Variants in MOSPD1 observed in about 807,000 individuals in gnomAD.
MOSPD1 encodes motile sperm domain containing 1.
A neutral mutation model predicts 16.7 loss-of-function variants in MOSPD1; 5 were observed. The ratio of observed to expected loss-of-function variants is 0.30; its 90% CI spans 0.16 to 0.63. The LOEUF (loss-of-function observed/expected upper bound fraction) is 0.63, where lower values mean the gene tolerates loss of function less well. Among genes scored for constraint, MOSPD1 ranks in the 30% least tolerant of loss-of-function variants. MOSPD1 has a pLI of 0.82. For synonymous variants in MOSPD1, 67 were observed against 59.2 expected (o/e 1.13, Z -0.61); for missense variants, 104 against 153.6 (o/e 0.68, Z 1.71).
rs192172551 is a variant in MOSPD1, at chrX:134,898,475, T to A, written c.230+615A>T. Among the ~76,000 whole-genome samples the A allele has an allele frequency of 4.7e-4, 53 of 111,963 alleles. 1 individual carries two copies. In the East Asian group the frequency reaches 0.014, roughly 30 times the overall value. The stretch of plus-strand genomic sequence containing the variant: ...AATACAGTGTACTTGGTAGCTTAAA[T>A]TAAGGGCTGGTCAATGGATCCATCT... On this transcript the variant is annotated intron_variant, in intron 3 of 5. Coordinates refer to ENST00000370783, the MANE Select transcript of MOSPD1 (RefSeq NM_019556.3).
Position 134,888,981 on chromosome X carries a change from A to C in MOSPD1, c.*180T>G, listed in dbSNP as rs1235469811. On this transcript the variant is annotated 3_prime_UTR_variant, in exon 6 of 6. Coordinates refer to ENST00000370783, the MANE Select transcript of MOSPD1 (RefSeq NM_019556.3). The stretch of plus-strand genomic sequence containing the variant: ...CTCAGAAGCATCCTTGCTGTCTGTA[A>C]AATAATGTTCTGCAGTCCTTCAAAT... The C allele has an allele frequency of 3.8e-6, 1 of 264,541 alleles. No homozygotes were observed. Among genetic ancestry groups the C allele is most frequent in the Non-Finnish European group, 6.7e-6 (1 of 148,166 alleles). 21.8% of individuals were successfully genotyped at this position (264,541 alleles called of 1,213,427 possible). A position where few individuals can be genotyped will look rare whatever the true frequency, so the allele number is the denominator to read the frequency against.
intron 5 of MOSPD1, among the ~76,000 whole-genome samples, chrX:134,889,499 G>T (rs2082850835): frequency 8.9e-6 from 1 of 112,049 alleles, no homozygotes; most frequent in Non-Finnish European, 1.9e-5. Context: ...GTGCCATTTT[G>T]AAGCATGGGT....
At position 134,887,700 on chromosome X, in the gene MOSPD1, CAT is replaced by C. The variant is rs1215758240; in HGVS notation, c.*1459_*1460del. ...TTTACAATGTGTTATTACACACACA[CAT>C]GTGCACTTGCACACACGTGCACACA... On this transcript the variant is annotated 3_prime_UTR_variant, in exon 6 of 6. Transcript: ENST00000370783. 5 of 113,498 alleles carry C rather than the reference CAT, an allele frequency of 4.4e-5. No homozygotes were observed. The highest frequency in any genetic ancestry group is 1.3e-4 in the African/African-American group (4 of 31,197). The allele number at this position is 113,498 out of a possible 1,213,427, so 9.4% of individuals were successfully genotyped here.
intron 4 of MOSPD1, among the ~76,000 whole-genome samples, chrX:134,896,611 G>A (rs956933510): frequency 8.9e-5 from 10 of 111,759 alleles, no homozygotes; most frequent in Non-Finnish European, 1.9e-4. Context: ...GCCTGGTCCA[G>A]TGAGGGGTAT....
chrX:134,905,203 C>CAA (rs374729743), intron 1 of MOSPD1, among the ~76,000 whole-genome samples: 11 of 99,463 alleles, frequency 1.1e-4, no homozygotes, highest in African/African-American at 4.0e-4. Flanking sequence ...ACTAAAAATA[C>CAA]AAAAAAAAAA....
At chrX:134,902,863 A>C (rs912269888) in intron 1 of MOSPD1, among the ~76,000 whole-genome samples, 4 of 108,117 alleles carry the variant, frequency 3.7e-5, no homozygotes, top group South Asian at 3.9e-4. Context: ...AAAAAAAAAA[A>C]CCAAAAAAAA....
intron 1 of MOSPD1, among the ~76,000 whole-genome samples, chrX:134,908,966 T>C (rs1403172343): frequency 8.9e-6 from 1 of 112,011 alleles, no homozygotes; most frequent in Non-Finnish European, 1.9e-5. Flanking sequence ...GCAACCTGTT[T>C]TTAGAAAGAG....
Position 134,899,338 on chromosome X carries a change from T to G in MOSPD1, c.96A>C (p.Ser32=), listed in dbSNP as rs1354044071. The change falls in exon 2 of 6, where the codon TCA becomes TCC. Residue 32 remains serine (S), a synonymous_variant. Coordinates refer to ENST00000370783, the MANE Select transcript of MOSPD1 (RefSeq NM_019556.3). ...ACAGTGTCAACACTTGCTTATGTGT[T>G]GACTGATCATCTGCATAAAATATGA... ...TELIFYADDQ[S]THKQVLTLYN... The G allele has an allele frequency of 1.7e-6, 2 of 1,197,552 alleles. No homozygotes were observed. Among genetic ancestry groups the G allele is most frequent in the African/African-American group, 3.5e-5 (2 of 56,341 alleles).
intron 1 of MOSPD1, among the ~76,000 whole-genome samples, chrX:134,910,268 G>A (rs188711448): frequency 1.7e-3 from 186 of 111,043 alleles, no homozygotes; most frequent in African/African-American, 5.9e-3. Context: ...AGCTGGGCAT[G>A]GTGGCGGGCG....
intron 1 of MOSPD1, among the ~76,000 whole-genome samples, chrX:134,901,531 T>C (rs2148395844): frequency 9.2e-6 from 1 of 108,912 alleles, no homozygotes; most frequent in African/African-American, 3.3e-5. Flanking sequence ...GTGCCTGTAA[T>C]CCCAGCTACT....
chrX:134,903,442 T>C (rs1311925246), intron 1 of MOSPD1, among the ~76,000 whole-genome samples: 8 of 110,292 alleles, frequency 7.3e-5, no homozygotes, highest in Non-Finnish European at 1.3e-4. Flanking sequence ...CTGGGCACAG[T>C]GGCTCACGCC....
At chrX:134,914,376 G>A (rs758180026) in intron 1 of MOSPD1, among the ~76,000 whole-genome samples, 2 of 111,602 alleles carry the variant, frequency 1.8e-5, no homozygotes, top group South Asian at 7.5e-4. Flanking sequence ...GAGGGCTGGA[G>A]AGGGAGTACA....
chrX:134,901,170 T>C (rs1464136924), intron 1 of MOSPD1, among the ~76,000 whole-genome samples: 1 of 112,031 alleles, frequency 8.9e-6, no homozygotes, highest in Non-Finnish European at 1.9e-5. Flanking sequence ...CCAAGAACTA[T>C]GTCAGAAGCT....
intron 5 of MOSPD1, 95 bp from the exon 6 acceptor site, chrX:134,889,287 A>G: frequency 1.6e-6 from 1 of 607,333 alleles, no homozygotes; most frequent in Non-Finnish European, 2.5e-6. Context: ...AACAAATACA[A>G]CATAGCACAT....
chrX:134,902,037 C>T (rs1423355310), intron 1 of MOSPD1, among the ~76,000 whole-genome samples: 1 of 111,231 alleles, frequency 9.0e-6, no homozygotes, highest in African/African-American at 3.3e-5. Flanking sequence ...TTACTAAAGG[C>T]CAGGCAATGT....
At chrX:134,903,915 G>A (rs1166885837) in intron 1 of MOSPD1, among the ~76,000 whole-genome samples, 2 of 110,439 alleles carry the variant, frequency 1.8e-5, no homozygotes, top group East Asian at 2.8e-4. Context: ...GCGTGCGCCT[G>A]TAATCCCAGC....
intron 1 of MOSPD1, among the ~76,000 whole-genome samples, chrX:134,902,130 C>T (rs76284689): frequency 9.0e-6 from 1 of 111,178 alleles, no homozygotes; most frequent in Non-Finnish European, 1.9e-5. Context: ...TGAAGCCTGG[C>T]GCCATGGTGG....
chrX:134,909,850 T>C (rs768935026), intron 1 of MOSPD1, among the ~76,000 whole-genome samples: 2 of 112,118 alleles, frequency 1.8e-5, no homozygotes, highest in African/African-American at 6.5e-5. Flanking sequence ...TATGTAGTGA[T>C]TGGCTCTTCT....
intron 1 of MOSPD1, among the ~76,000 whole-genome samples, chrX:134,903,437 C>T (rs2082922888): frequency 9.1e-6 from 1 of 110,150 alleles, no homozygotes; most frequent in Non-Finnish European, 1.9e-5. Context: ...CCTGGCTGGG[C>T]ACAGTGGCTC....
Sources: gnomAD v4.1 joint callset for allele counts (sites outside exome capture counted in the v4.1 genomes callset) on GRCh38, gnomAD v4.1.1 for gene constraint, MANE v1.5 for transcripts, NCBI Gene and HGNC (gene_info 2026-07-23, HGNC 2026-07-21) for gene names.